Variants in THSD7A observed in about 807,000 individuals in gnomAD.
THSD7A encodes the protein thrombospondin type-1 domain-containing protein 7A.
THSD7A carries 96 observed loss-of-function variants against 231.3 expected under a neutral mutation model. That is an observed-to-expected ratio of 0.41 (90% CI 0.35 to 0.49). The LOEUF (loss-of-function observed/expected upper bound fraction) is 0.49. Ranked by LOEUF, THSD7A falls within the 20% of genes least tolerant of loss-of-function variation. The pLI is 0.05. For missense variants in THSD7A, 2,290 were observed against 2,070.2 expected (o/e 1.11, Z -2.06); for synonymous variants, 940 against 743.3 (o/e 1.26, Z -4.30).
intron 6 of THSD7A, among the ~76,000 whole-genome samples, chr7:11,511,220 T>C (rs1455878378): frequency 1.3e-5 from 2 of 152,118 alleles, no homozygotes; most frequent in African/African-American, 2.4e-5. Context: ...GGAATCCAAC[T>C]TACAAGGGAT....
intron 6 of THSD7A, among the ~76,000 whole-genome samples, chr7:11,521,814 C>T (rs1269785861): frequency 6.6e-6 from 1 of 151,786 alleles, no homozygotes; most frequent in African/African-American, 2.4e-5. Context: ...TTGAAGTTAC[C>T]TCAACTTCAA....
intron 4 of THSD7A, among the ~76,000 whole-genome samples, chr7:11,548,663 C>T (rs1161734086): frequency 6.6e-6 from 1 of 152,052 alleles, no homozygotes; most frequent in Non-Finnish European, 1.5e-5. Flanking sequence ...TGAACCACCA[C>T]AATCAAGTTG....
chr7:11,750,683 G>GTC (rs1336164741), intron 1 of THSD7A, among the ~76,000 whole-genome samples: 1 of 152,000 alleles, frequency 6.6e-6, no homozygotes, highest in Non-Finnish European at 1.5e-5. Flanking sequence ...TATATGGCCA[G>GTC]TCTCTACTCA....
chr7:11,816,572 G>T (rs1466185733), intron 1 of THSD7A, among the ~76,000 whole-genome samples: 1 of 149,434 alleles, frequency 6.7e-6, no homozygotes, highest in Admixed American at 6.9e-5. Context: ...ACAGGAAGAT[G>T]GTTAGACATA....
rs187638761 is a variant in THSD7A at position 11,637,773 on chromosome 7, T to C, written c.191-812A>G. On this transcript the variant is annotated intron_variant, in intron 1 of 27. Coordinates refer to ENST00000423059, the MANE Select transcript of THSD7A (RefSeq NM_015204.3). This position sits in a 1 kb window ranked among gnomAD's most constrained non-coding sequence, Gnocchi z 4.2. ...GATACTTAAATCAGTGGCTTTAATA[T>C]GAAATATGGGTTTTTTTCTGTGAAA... 6.6e-5 allele frequency among the ~76,000 whole-genome samples: 10 copies of C among 152,324 alleles called. No individual in the cohort carries two copies. In the East Asian group the frequency reaches 1.3e-3, roughly 21 times the overall value.
In THSD7A at chr7:11,373,271, A is replaced by AAAATT. The variant is rs568785387; in HGVS notation, c.*2518_*2522dup. On this transcript the variant is annotated 3_prime_UTR_variant, in exon 28 of 28. Coordinates refer to ENST00000423059, the MANE Select transcript of THSD7A (RefSeq NM_015204.3). ...TAGTAGGTATTCTATCCCACATTTCAAAATTAATAGGTGTTGCACACATTT... is the reference window on the plus strand; with the variant it reads ...TAGTAGGTATTCTATCCCACATTTCAAAATTAAATTAATAGGTGTTGCACACATTT... The AAAATT allele has an allele frequency of 4.6e-5, 7 of 152,154 alleles. No individual in the cohort carries two copies. The highest frequency in any genetic ancestry group is 1.3e-4 in the Admixed American group (2 of 15,244). The allele number at this position is 152,154 out of a possible 1,614,324, so 9.4% of individuals were successfully genotyped here.
chr7:11,489,574 G>A (rs1374041132), intron 6 of THSD7A, among the ~76,000 whole-genome samples: 2 of 152,030 alleles, frequency 1.3e-5, no homozygotes, highest in African/African-American at 4.8e-5. Context: ...TAGGAGGGCA[G>A]GTACCTAACT....
intron 8 of THSD7A, among the ~76,000 whole-genome samples, chr7:11,473,527 C>T (rs529288516): frequency 6.6e-6 from 1 of 152,182 alleles, no homozygotes; most frequent in South Asian, 2.1e-4. Flanking sequence ...TCTTACATGG[C>T]TAAGGTGATT....
chr7:11,797,610 A>T (rs1784163418), intron 1 of THSD7A, among the ~76,000 whole-genome samples: 1 of 151,514 alleles, frequency 6.6e-6, no homozygotes, highest in Admixed American at 6.6e-5. Flanking sequence ...GTAGAGACAG[A>T]ACCTCACTAT....
At chr7:11,772,300 G>A (rs946091242) in intron 1 of THSD7A, among the ~76,000 whole-genome samples, 9 of 152,146 alleles carry the variant, frequency 5.9e-5, no homozygotes, top group Non-Finnish European at 1.3e-4. Context: ...CAGCCACTGT[G>A]GAAAGCAGCA....
chr7:11,750,632 C>A (rs1172343208), intron 1 of THSD7A, among the ~76,000 whole-genome samples: 2 of 151,930 alleles, frequency 1.3e-5, no homozygotes, highest in African/African-American at 4.8e-5. Flanking sequence ...CCTGACGTGG[C>A]GCAGGTTGTC....
chr7:11,502,714 C>T (rs1330885432), intron 6 of THSD7A, among the ~76,000 whole-genome samples: 1 of 152,042 alleles, frequency 6.6e-6, no homozygotes, highest in African/African-American at 2.4e-5. Context: ...ACAATTGCCA[C>T]ACACACACAA....
At position 11,371,862 on chromosome 7, in the gene THSD7A, T is replaced by A. The variant is rs1782067479; in HGVS notation, c.*3932A>T. On this transcript the variant is annotated 3_prime_UTR_variant, in exon 28 of 28. Coordinates refer to ENST00000423059, the MANE Select transcript of THSD7A (RefSeq NM_015204.3). ...TTCACACTCTGAGTGAGTGACACTT[T>A]GATTCTAATAGGGAAGGAAATATAG... 1 of 151,942 alleles carries A rather than the reference T, an allele frequency of 6.6e-6. No individual in the cohort carries two copies. The highest frequency in any genetic ancestry group is 1.9e-4 in the East Asian group (1 of 5,184). 9.4% of individuals were successfully genotyped at this position (151,942 alleles called of 1,614,324 possible).
chr7:11,601,135 T>C, intron 2 of THSD7A, among the ~76,000 whole-genome samples: 1 of 152,218 alleles, frequency 6.6e-6, no homozygotes, highest in East Asian at 1.9e-4. Context: ...CTCTACATAT[T>C]TCACTTCCTT....
At chr7:11,519,866 T>C (rs930034670) in intron 6 of THSD7A, among the ~76,000 whole-genome samples, 1 of 152,214 alleles carries the variant, frequency 6.6e-6, no homozygotes, top group African/African-American at 2.4e-5. Flanking sequence ...AATCCTTCTA[T>C]ACTCTTAAGC....
intron 6 of THSD7A, among the ~76,000 whole-genome samples, chr7:11,491,548 G>A (rs1162779833): frequency 2.0e-5 from 3 of 152,098 alleles, no homozygotes; most frequent in African/African-American, 7.2e-5. Flanking sequence ...TTTTCTGGAA[G>A]TGCTATGATA....
intron 6 of THSD7A, among the ~76,000 whole-genome samples, chr7:11,527,186 T>C (rs1289615534): frequency 2.6e-5 from 4 of 152,162 alleles, no homozygotes; most frequent in African/African-American, 7.2e-5. Flanking sequence ...AGATTTCTTA[T>C]TTAAAATTAT....
chr7:11,807,485 T>C (rs1180570061), intron 1 of THSD7A, among the ~76,000 whole-genome samples: 1 of 152,144 alleles, frequency 6.6e-6, no homozygotes, highest in African/African-American at 2.4e-5. Flanking sequence ...GGAAAGAATA[T>C]ATAAAATAAA....
chr7:11,784,773 G>A (rs777285240), intron 1 of THSD7A, among the ~76,000 whole-genome samples: 5 of 152,004 alleles, frequency 3.3e-5, no homozygotes, highest in Non-Finnish European at 5.9e-5. Context: ...TTGCATCTTA[G>A]TCATGGGAAA....
Sources: allele counts gnomAD v4.1 joint callset (sites outside exome capture counted in the v4.1 genomes callset), GRCh38; gene constraint gnomAD v4.1.1; non-coding constraint Gnocchi (gnomAD v3.1); transcripts MANE v1.5; gene names NCBI Gene and HGNC (gene_info 2026-07-23, HGNC 2026-07-21).